Variants in MYO5B observed in about 807,000 individuals in gnomAD.
MYO5B encodes unconventional myosin-Vb.
MYO5B carries 143 observed loss-of-function variants against 229.3 expected under a neutral mutation model. The observed-to-expected ratio is 0.62, with a 90% CI of 0.54 to 0.72. The LOEUF is 0.72. Among genes scored for constraint, MYO5B ranks in the 30% least tolerant of loss-of-function variants. MYO5B has a pLI of 0.00. For synonymous variants in MYO5B, 918 were observed against 885.2 expected (o/e 1.04, Z -0.66); for missense variants, 2,321 against 2,331.0 (o/e 1.00, Z 0.09).
Position 50,051,739 on chromosome 18 carries a change from C to T in MYO5B, c.138+3529G>A, listed in dbSNP as rs530976620. The stretch of plus-strand genomic sequence containing the variant: ...TCATCTTGTTTACTTCAATATGAAA[C>T]ATCTTACATTATGCCAGGTGAAATA... On this transcript the variant is annotated intron_variant, in intron 2 of 39. Coordinates refer to ENST00000285039, the MANE Select transcript of MYO5B (RefSeq NM_001080467.3). Among the ~76,000 whole-genome samples, 7 of 152,304 alleles carry T rather than the reference C, an allele frequency of 4.6e-5. No homozygotes were observed. In the South Asian group the frequency reaches 6.2e-4, roughly 14 times the overall value.
intron 1 of MYO5B, among the ~76,000 whole-genome samples, chr18:50,087,824 C>G (rs1240101846): frequency 4.6e-5 from 7 of 151,938 alleles, no homozygotes; most frequent in Non-Finnish European, 1.0e-4. Context: ...CAAGGTGATG[C>G]TAGGTGCAGG....
chr18:49,859,691 T>A (rs545400779), intron 29 of MYO5B, among the ~76,000 whole-genome samples: 1 of 152,292 alleles, frequency 6.6e-6, no homozygotes, highest in Non-Finnish European at 1.5e-5. Context: ...AGACCCAAAC[T>A]GTGCTGCCAA....
At chr18:50,091,520 G>A (rs987198722) in intron 1 of MYO5B, among the ~76,000 whole-genome samples, 2 of 152,110 alleles carry the variant, frequency 1.3e-5, no homozygotes, top group Non-Finnish European at 2.9e-5. Context: ...ACCATCCTAT[G>A]GGGTAGGTAT....
At chr18:50,190,566 G>A (rs1346763122) in intron 1 of MYO5B, among the ~76,000 whole-genome samples, 4 of 152,140 alleles carry the variant, frequency 2.6e-5, no homozygotes, top group African/African-American at 4.8e-5. Flanking sequence ...TGAGGTGTTG[G>A]GTCTTCTGAG....
intron 14 of MYO5B, among the ~76,000 whole-genome samples, chr18:49,945,767 G>GGAGAT (rs1225347377): frequency 6.6e-6 from 1 of 151,118 alleles, no homozygotes; most frequent in Non-Finnish European, 1.5e-5. Flanking sequence ...AGGAGGAGGA[G>GGAGAT]GAGGAGAGGA....
chr18:49,910,124 G>A (rs573384226), intron 18 of MYO5B, among the ~76,000 whole-genome samples: 3 of 152,208 alleles, frequency 2.0e-5, no homozygotes, highest in Non-Finnish European at 4.4e-5. Context: ...CAGGCTCCCC[G>A]TCAGTGAAGA....
At chr18:50,147,730 G>T (rs1419520270) in intron 1 of MYO5B, among the ~76,000 whole-genome samples, 1 of 152,076 alleles carries the variant, frequency 6.6e-6, no homozygotes, top group Non-Finnish European at 1.5e-5. Context: ...AAACTCTTTT[G>T]TATAAAGGCC....
At chr18:49,953,989 T>C (rs1217496811) in intron 13 of MYO5B, among the ~76,000 whole-genome samples, 1 of 149,296 alleles carries the variant, frequency 6.7e-6, no homozygotes, top group Non-Finnish European at 1.5e-5. Context: ...ATAGACTATA[T>C]ATATACACAG....
chr18:49,965,335 T>A (rs901597215), intron 10 of MYO5B, among the ~76,000 whole-genome samples: 2 of 152,176 alleles, frequency 1.3e-5, no homozygotes, highest in African/African-American at 4.8e-5. Flanking sequence ...GCCCACCTTA[T>A]ATGCTCCACA....
At chr18:49,896,925 G>A (rs1160635747) in intron 21 of MYO5B, among the ~76,000 whole-genome samples, 1 of 152,102 alleles carries the variant, frequency 6.6e-6, no homozygotes, top group Non-Finnish European at 1.5e-5. Context: ...GTGTAAAACA[G>A]GAATATAATA....
intron 23 of MYO5B, 109 bp from the exon 24 acceptor site, chr18:49,879,199 A>T: frequency 7.4e-7 from 1 of 1,355,694 alleles, no homozygotes; most frequent in Non-Finnish European, 1.0e-6. Context: ...TGACGAGCTC[A>T]TCAGAGGCTC....
chr18:49,823,662 G>A lies in MYO5B; in HGVS notation c.*2809C>T, dbSNP rs1283820234. On this transcript the variant is annotated 3_prime_UTR_variant, in exon 40 of 40. Transcript: ENST00000285039. ...CTCCCACTGACATGCTTCATGGAAA[G>A]GGGAAAAACATCTACCTTTGGGTCT... 1.0e-5 allele frequency: 1 copy of A among 97,086 alleles called. No homozygotes were observed. Among genetic ancestry groups the A allele is most frequent in the African/African-American group, 3.9e-5 (1 of 25,604 alleles). The allele number at this position is 97,086 out of a possible 1,614,324, so 6.0% of individuals were successfully genotyped here. A position where few individuals can be genotyped will look rare whatever the true frequency, so the allele number is the denominator to read the frequency against.
chr18:50,103,212 C>A (rs941415701), intron 1 of MYO5B, among the ~76,000 whole-genome samples: 19 of 152,230 alleles, frequency 1.2e-4, no homozygotes, highest in African/African-American at 3.9e-4. Context: ...CCAAAAGGTC[C>A]TAAATTTGAG....
At chr18:49,831,187 G>C (rs373075777) in intron 39 of MYO5B, among the ~76,000 whole-genome samples, 1 of 152,116 alleles carries the variant, frequency 6.6e-6, no homozygotes, top group Non-Finnish European at 1.5e-5. Context: ...AATCTGCAAA[G>C]CTCTTAGAAA....
chr18:50,160,974 G>T (rs576826532), intron 1 of MYO5B, among the ~76,000 whole-genome samples: 1 of 151,956 alleles, frequency 6.6e-6, no homozygotes, highest in Non-Finnish European at 1.5e-5. Flanking sequence ...CCCAACTCCC[G>T]CCCTGTCCTG....
intron 7 of MYO5B, among the ~76,000 whole-genome samples, chr18:49,985,333 A>G (rs2025859477): frequency 6.6e-6 from 1 of 152,208 alleles, no homozygotes; most frequent in Non-Finnish European, 1.5e-5. Flanking sequence ...GCACAAATGC[A>G]GGTTGATACC....
At chr18:50,182,767 A>T (rs2033090564) in intron 1 of MYO5B, among the ~76,000 whole-genome samples, 2 of 152,222 alleles carry the variant, frequency 1.3e-5, no homozygotes, top group African/African-American at 4.8e-5. Flanking sequence ...AGGTAATGTT[A>T]CAGTCAAGGA....
chr18:50,065,838 A>T (rs2030807128), intron 1 of MYO5B, among the ~76,000 whole-genome samples: 1 of 152,102 alleles, frequency 6.6e-6, no homozygotes. Context: ...TCCTAGATGG[A>T]TAAGGAGGTA....
At chr18:50,029,968 C>A (rs1445829623) in intron 4 of MYO5B, among the ~76,000 whole-genome samples, 1 of 152,216 alleles carries the variant, frequency 6.6e-6, no homozygotes, top group Non-Finnish European at 1.5e-5. Flanking sequence ...CCTCCCCAAA[C>A]AATGTAACAG....
Sources: allele counts gnomAD v4.1 joint callset (sites outside exome capture counted in the v4.1 genomes callset), GRCh38; gene constraint gnomAD v4.1.1; transcripts MANE v1.5; gene names NCBI Gene and HGNC (gene_info 2026-07-23, HGNC 2026-07-21).